Variants in RXYLT1 observed in about 807,000 individuals in gnomAD.
The protein encoded by RXYLT1 is ribitol xylosyltransferase 1.
In RXYLT1, 41 loss-of-function variants were observed where a neutral mutation model predicts 43.5. That is an observed-to-expected ratio of 0.94 (90% confidence interval 0.73 to 1.22). RXYLT1 has a LOEUF of 1.22. Ranked by LOEUF, RXYLT1 falls within the 50% of genes most tolerant of loss-of-function variation. The pLI is 0.00. For missense variants in RXYLT1, 514 were observed against 532.0 expected, an observed-to-expected ratio of 0.97 and a Z score of 0.33; for synonymous variants, 166 against 194.4, an observed-to-expected ratio of 0.85 and a Z score of 1.21.
At position 63,805,392 on chromosome 12, in the gene RXYLT1, C is replaced by G; in HGVS notation, c.902C>G (p.Ser301Ter). Residue 301 changes from serine to a stop codon, truncating the protein, a stop_gained, in exon 5 of 6, where the codon TCA becomes TGA. Coordinates refer to ENST00000261234, the MANE Select transcript of RXYLT1 (RefSeq NM_014254.3). LOFTEE classifies it high-confidence loss of function. ...GGGAACGATAAGCTTTGTTGGGTTT[C>G]AGCAAGAGAACAGTAAGTTCTATGC... ...KDGNDKLCWV[S>*]AREHWQPQET... The G allele has an allele frequency of 6.2e-7, 1 of 1,602,598 alleles. No homozygotes were observed.
chr12:63,784,658 C>T (rs1897760450), intron 2 of RXYLT1, among the ~76,000 whole-genome samples: 1 of 152,182 alleles, frequency 6.6e-6, no homozygotes, highest in Non-Finnish European at 1.5e-5. Context: ...CATTTCATTT[C>T]AGAATAAGAC....
chr12:63,808,791 C>T lies in RXYLT1; in HGVS notation c.1031C>T (p.Ala344Val). The part of the protein sequence containing the change: ...VNTECYRIYE[A>V]CSYGSIPVVE... ...ACAGAATGCTATCGAATCTATGAGG[C>T]TTGCTCCTATGGCTCCATTCCTGTG... The change falls in exon 6 of 6, where the codon GCT becomes GTT. Residue 344 changes from alanine (A) to valine (V), a missense_variant. Coordinates refer to ENST00000261234, the MANE Select transcript of RXYLT1 (RefSeq NM_014254.3). The T allele has an allele frequency of 5.6e-6, 9 of 1,613,882 alleles. No homozygotes were observed. Among genetic ancestry groups the T allele is most frequent in the Non-Finnish European group, 7.6e-6 (9 of 1,180,000 alleles).
chr12:63,780,164 C>A (rs1180082392), intron 1 of RXYLT1, 35 bp downstream of exon 1: 2 of 1,429,504 alleles, frequency 1.4e-6, no homozygotes, highest in East Asian at 2.8e-5. Context: ...TCCGGCTCTG[C>A]GCTCCTGGCT....
chr12:63,799,302 C>CTTTTTTTTTTTTTTT (rs11312130), intron 3 of RXYLT1, among the ~76,000 whole-genome samples: 1 of 71,632 alleles, frequency 1.4e-5, no homozygotes, highest in Non-Finnish European at 2.6e-5. Flanking sequence ...CTTTTCTTTT[C>CTTTTTTTTTTTTTTT]TTTTTTTTTT....
intron 3 of RXYLT1, among the ~76,000 whole-genome samples, chr12:63,788,630 A>G (rs1897856606): frequency 6.6e-6 from 1 of 152,200 alleles, no homozygotes; most frequent in African/African-American, 2.4e-5. Context: ...ACCTTCATAG[A>G]ATTGAAAAGA....
At chr12:63,800,817 G>C (rs965814447) in intron 3 of RXYLT1, among the ~76,000 whole-genome samples, 12 of 151,816 alleles carry the variant, frequency 7.9e-5, no homozygotes, top group African/African-American at 2.4e-4. Flanking sequence ...AGCTACTCAG[G>C]AGCTGAGGCA....
At position 63,802,071 on chromosome 12, in the gene RXYLT1, T is replaced by C. The variant is rs777310204; in HGVS notation, c.429-20T>C. The C allele has an allele frequency of 5.2e-6, 8 of 1,550,710 alleles. No homozygotes were observed. The highest frequency in any genetic ancestry group is 6.1e-6 in the Non-Finnish European group (7 of 1,150,290). On this transcript the variant is annotated intron_variant, in intron 3 of 5. Transcript: ENST00000261234. ...TCAGGCTTTGTTTGTCTCTTGTTTTTGTTGTGTTGTTTTTAACAGCTTCAT... is the reference window on the plus strand; with the variant it reads ...TCAGGCTTTGTTTGTCTCTTGTTTTCGTTGTGTTGTTTTTAACAGCTTCAT...
At chr12:63,785,251 C>T (rs1369676234) in intron 3 of RXYLT1, 179 bp downstream of exon 3, 2 of 363,890 alleles carry the variant, frequency 5.5e-6, no homozygotes, top group Non-Finnish European at 9.8e-6. Context: ...CTTACTTGGA[C>T]CTTATGAAAT....
Position 63,805,190 on chromosome 12 carries a change from C to T in RXYLT1, c.744-44C>T, listed in dbSNP as rs769735293. 5 of 1,491,252 alleles carry T rather than the reference C, an allele frequency of 3.4e-6. No homozygotes were observed. In the Admixed American group the frequency reaches 1.1e-4, roughly 34 times the overall value. The allele number at this position is 1,491,252 out of a possible 1,614,324, so 92.4% of individuals were successfully genotyped here. A position where few individuals can be genotyped will look rare whatever the true frequency, so the allele number is the denominator to read the frequency against. On this transcript the variant is annotated intron_variant, in intron 4 of 5. Coordinates refer to ENST00000261234, the MANE Select transcript of RXYLT1 (RefSeq NM_014254.3). ...AGATTGGGTTATGGGGAATTTTTGC[C>T]AATTCTATATCATATGTTAATTCAT...
rs774440973 is a variant in RXYLT1, at chr12:63,808,692, CAAATG to C, written c.936_940del (p.Asn312LysfsTer3). 6.2e-7 allele frequency: 1 copy of C among 1,600,760 alleles called. No homozygotes were observed. Among genetic ancestry groups the C allele is most frequent in the Non-Finnish European group, 8.5e-7 (1 of 1,177,424 alleles). On this transcript the variant is annotated frameshift_variant, in exon 6 of 6. Coordinates refer to ENST00000261234, the MANE Select transcript of RXYLT1 (RefSeq NM_014254.3). LOFTEE classifies it high-confidence loss of function. ...TTTTCTAGCTGGCAGCCTCAGGAAA[CAAATG>C]AAAGTCTTAAGAATTACCAAGATGC...
At chr12:63,806,364 A>T (rs144824380) in intron 5 of RXYLT1, 1 of 152,344 alleles carries the variant, frequency 6.6e-6, no homozygotes, top group East Asian at 1.9e-4. Flanking sequence ...GCATAGAAAG[A>T]GCTTGGGTGT....
chr12:63,785,754 T>A lies in RXYLT1; in HGVS notation c.428+682T>A, dbSNP rs1034250370. ...AAATTAAAAATAAAAACATTATTTT[T>A]AAATGCTTATTTTATATAACAGTTG... On this transcript the variant is annotated intron_variant, in intron 3 of 5. Coordinates refer to ENST00000261234, the MANE Select transcript of RXYLT1 (RefSeq NM_014254.3). Among the ~76,000 whole-genome samples, 9 of 152,290 alleles carry A rather than the reference T, an allele frequency of 5.9e-5. No homozygotes were observed. The East Asian group carries it at 1.5e-3, about 26-fold the overall frequency.
intron 3 of RXYLT1, 74 bp downstream of exon 3, chr12:63,785,146 GAAA>G (rs1897772796): frequency 1.3e-5 from 12 of 935,160 alleles, no homozygotes; most frequent in Non-Finnish European, 1.7e-5. Context: ...AATACTAAAA[GAAA>G]AATAATAGGA....
At chr12:63,806,657 T>A (rs902610867) in intron 5 of RXYLT1, 2 of 152,254 alleles carry the variant, frequency 1.3e-5, no homozygotes, top group African/African-American at 4.8e-5. Flanking sequence ...CTCATACCAT[T>A]GAGCCAGAGG....
At chr12:63,800,117 A>G (rs1236326695) in intron 3 of RXYLT1, among the ~76,000 whole-genome samples, 1 of 152,192 alleles carries the variant, frequency 6.6e-6, no homozygotes, top group Non-Finnish European at 1.5e-5. Flanking sequence ...TGCTTTAACT[A>G]ATATCTGTTT....
At chr12:63,787,466 A>C (rs1897829735) in intron 3 of RXYLT1, among the ~76,000 whole-genome samples, 1 of 152,182 alleles carries the variant, frequency 6.6e-6, no homozygotes, top group Non-Finnish European at 1.5e-5. Context: ...ATTCCTTTTA[A>C]TGTTGATGTT....
chr12:63,792,917 T>TG (rs918016486), intron 3 of RXYLT1, among the ~76,000 whole-genome samples: 9 of 152,176 alleles, frequency 5.9e-5, no homozygotes, highest in African/African-American at 9.7e-5. Flanking sequence ...TTTTAAGAGA[T>TG]GGGGGTCTTG....
chr12:63,807,196 C>T (rs1326961319), intron 5 of RXYLT1: 1 of 152,202 alleles, frequency 6.6e-6, no homozygotes, highest in Admixed American at 6.6e-5. Flanking sequence ...CCTTCACTCC[C>T]CTTTCTTCAT....
chr12:63,788,666 T>G (rs1384517536), intron 3 of RXYLT1, among the ~76,000 whole-genome samples: 4 of 152,248 alleles, frequency 2.6e-5, no homozygotes, highest in African/African-American at 9.6e-5. Context: ...TGGATTAGGC[T>G]TTGGCTTAAG....
Sources: gnomAD v4.1 joint callset for allele counts (sites outside exome capture counted in the v4.1 genomes callset) on GRCh38, gnomAD v4.1.1 for gene constraint, MANE v1.5 for transcripts, NCBI Gene and HGNC (gene_info 2026-07-23, HGNC 2026-07-21) for gene names.